The following MAML1 variants were observed in gnomAD, a reference collection of about 807,000 sequenced individuals.
MAML1 encodes the protein mastermind-like protein 1.
Under a neutral mutation model 77.1 loss-of-function variants are expected in MAML1, and 14 were observed. The ratio of observed to expected loss-of-function variants is 0.18; its 90% CI spans 0.12 to 0.28. The LOEUF (loss-of-function observed/expected upper bound fraction) is 0.28, where lower values mean the gene tolerates loss of function less well. MAML1 is among the 10% of genes least tolerant of loss of function. The pLI, the probability that MAML1 is intolerant of heterozygous loss-of-function variation, is 1.00. For missense variants in MAML1, 1,217 were observed against 1,327.8 expected, an observed-to-expected ratio of 0.92 and a Z score of 1.30; for synonymous variants, 516 against 551.9, an observed-to-expected ratio of 0.93 and a Z score of 0.91.
chr5:179,758,593 T>C (rs1779669814), intron 1 of MAML1, among the ~76,000 whole-genome samples: 1 of 152,060 alleles, frequency 6.6e-6, no homozygotes, highest in African/African-American at 2.4e-5. Flanking sequence ...TCTCACTGTG[T>C]TGCCCAGGCT....
Position 179,776,140 on chromosome 5 carries a change from C to T in MAML1, c.*1263C>T. The T allele has an allele frequency of 2.0e-6, 2 of 985,868 alleles. No homozygotes were observed. Among genetic ancestry groups the T allele is most frequent in the East Asian group, 1.1e-4 (1 of 8,818 alleles). 61.1% of individuals were successfully genotyped at this position (985,868 alleles called of 1,614,324 possible). A position where few individuals can be genotyped will look rare whatever the true frequency, so the allele number is the denominator to read the frequency against. The stretch of plus-strand genomic sequence containing the variant: ...AAAACGAAGATGGAGAGAGCACTTC[C>T]CCGTAACGAAAGCAAAGTGGTAAGC... On this transcript the variant is annotated 3_prime_UTR_variant, in exon 5 of 5. Coordinates refer to ENST00000292599, the MANE Select transcript of MAML1 (RefSeq NM_014757.5).
At position 179,774,804 on chromosome 5, in the gene MAML1, T is replaced by G. The variant is rs1184113134; in HGVS notation, c.2978T>G (p.Ile993Ser). 6.2e-7 allele frequency: 1 copy of G among 1,613,890 alleles called. No homozygotes were observed. Among genetic ancestry groups the G allele is most frequent in the African/African-American group, 1.3e-5 (1 of 74,964 alleles). ...LSSVAGHTDL[I>S]DSLLKNRTSE... ...AGTGTGGCTGGACACACCGATCTGATCGACTCCCTGCTGAAGAACAGGACT... is the reference window on the plus strand; with the variant it reads ...AGTGTGGCTGGACACACCGATCTGAGCGACTCCCTGCTGAAGAACAGGACT... Residue 993 changes from isoleucine (I) to serine (S), a missense_variant, in exon 5 of 5, where the codon ATC becomes AGC. Physicochemically the swap from Ile to Ser is moderately radical, Grantham distance 142 (BLOSUM62 -2). Coordinates refer to ENST00000292599, the MANE Select transcript of MAML1 (RefSeq NM_014757.5).
chr5:179,775,480 T>C lies in MAML1; in HGVS notation c.*603T>C. On this transcript the variant is annotated 3_prime_UTR_variant, in exon 5 of 5. Transcript: ENST00000292599. Reference sequence around the variant, plus strand: ...AGCTTTCAGGGGAGAAGGAGGCCACTGGAAAATTATTTCCCTAAGTGCAGG... The same window carrying C: ...AGCTTTCAGGGGAGAAGGAGGCCACCGGAAAATTATTTCCCTAAGTGCAGG... The C allele has an allele frequency of 1.0e-6, 1 of 985,370 alleles. No individual in the cohort carries two copies. Among genetic ancestry groups the C allele is most frequent in the Non-Finnish European group, 1.2e-6 (1 of 829,926 alleles). The allele number at this position is 985,370 out of a possible 1,614,324, so 61.0% of individuals were successfully genotyped here.
rs1271762596 is a variant in MAML1, at chr5:179,774,044, C to T, written c.2218C>T (p.Arg740Trp). 3.7e-6 allele frequency: 6 copies of T among 1,614,158 alleles called. No homozygotes were observed. The highest frequency in any genetic ancestry group is 2.2e-5 in the East Asian group (1 of 44,878). ...SLPTNSGQQD[R>W]GVAQFPGSQN... ...CCCCACAAACTCAGGCCAACAGGAC[C>T]GGGGTGTGGCTCAGTTCCCTGGCTC... is the stretch of plus-strand genomic sequence containing the variant. The change falls in exon 5 of 5, where the codon CGG (arginine) becomes TGG (tryptophan). Residue 740 changes from arginine to tryptophan, a missense_variant. Physicochemically the swap from Arg to Trp is moderately radical, Grantham distance 101. Around this residue, in one of 3 missense-constraint regions of MAML1, gnomAD observed 884 missense variants for 949.3 expected, o/e 0.93. Coordinates refer to ENST00000292599, the MANE Select transcript of MAML1 (RefSeq NM_014757.5).
chr5:179,756,805 G>A (rs184443873), intron 1 of MAML1, among the ~76,000 whole-genome samples: 28 of 152,256 alleles, frequency 1.8e-4, no homozygotes, highest in Non-Finnish European at 3.4e-4. Flanking sequence ...TCTCACTGGA[G>A]AGAGATTTAG....
intron 1 of MAML1, among the ~76,000 whole-genome samples, chr5:179,757,687 A>G (rs1283643243): frequency 2.6e-5 from 4 of 152,204 alleles, no homozygotes; most frequent in African/African-American, 9.7e-5. Context: ...CCAGTTAGCA[A>G]TCGCCTGCAT....
chr5:179,752,843 G>A (rs892223150), intron 1 of MAML1, among the ~76,000 whole-genome samples: 1 of 151,824 alleles, frequency 6.6e-6, no homozygotes, highest in Non-Finnish European at 1.5e-5. Flanking sequence ...GTGCAATCTC[G>A]GCTCACCGCA....
At chr5:179,753,440 A>C (rs530085756) in intron 1 of MAML1, among the ~76,000 whole-genome samples, 2 of 152,090 alleles carry the variant, frequency 1.3e-5, no homozygotes, top group Non-Finnish European at 2.9e-5. Flanking sequence ...TCCCAGATCC[A>C]TTTGGACAAG....
Position 179,775,943 on chromosome 5 carries a change from C to T in MAML1, c.*1066C>T, listed in dbSNP as rs932451272. On this transcript the variant is annotated 3_prime_UTR_variant, in exon 5 of 5. Transcript: ENST00000292599. Reference sequence around the variant, plus strand: ...TGGGGAAGGAGGCCGTAGGCCGGCCCGGAGGAAGCAATTCCACTTGGTTTG... The same window carrying T: ...TGGGGAAGGAGGCCGTAGGCCGGCCTGGAGGAAGCAATTCCACTTGGTTTG... 8 of 985,582 alleles carry T rather than the reference C, an allele frequency of 8.1e-6. No individual in the cohort carries two copies. The highest frequency in any genetic ancestry group is 1.1e-4 in the East Asian group (1 of 8,834). 61.1% of individuals were successfully genotyped at this position (985,582 alleles called of 1,614,324 possible).
intron 1 of MAML1, among the ~76,000 whole-genome samples, chr5:179,760,788 G>A (rs978900284): frequency 6.6e-6 from 1 of 152,122 alleles, no homozygotes; most frequent in Non-Finnish European, 1.5e-5. Flanking sequence ...TAAAGAAAAA[G>A]GGAACTTTAA....
Position 179,771,311 on chromosome 5 carries a change from T to C in MAML1, c.2068+68T>C. The stretch of plus-strand genomic sequence containing the variant: ...TGCCTGGTGCTGGTTGAATCCCTGC[T>C]GTCTGCCCAGCTCTATGCCTTGACT... On this transcript the variant is annotated intron_variant, in intron 4 of 4. Coordinates refer to ENST00000292599, the MANE Select transcript of MAML1 (RefSeq NM_014757.5). This position sits in a 1 kb window ranked among gnomAD's most constrained non-coding sequence, Gnocchi z 4.7. 7.4e-7 allele frequency: 1 copy of C among 1,348,632 alleles called. No homozygotes were observed. The highest frequency in any genetic ancestry group is 1.1e-6 in the Non-Finnish European group (1 of 939,726). The allele number at this position is 1,348,632 out of a possible 1,614,324, so 83.5% of individuals were successfully genotyped here. A position where few individuals can be genotyped will look rare whatever the true frequency, so the allele number is the denominator to read the frequency against.
At chr5:179,753,654 ATTTTTTT>A (rs1209995171) in intron 1 of MAML1, among the ~76,000 whole-genome samples, 35 of 88,850 alleles carry the variant, frequency 3.9e-4, no homozygotes, top group South Asian at 1.0e-3. Flanking sequence ...TATTATTATT[ATTTTTTT>A]TTTTTTTTTT....
At chr5:179,765,210 A>G (rs2113373884) in intron 1 of MAML1, 116 bp from the exon 2 acceptor site, 2 of 831,086 alleles carry the variant, frequency 2.4e-6, no homozygotes, top group South Asian at 1.7e-5. Context: ...GGGAGTGTAC[A>G]CTATGCAAGC....
Position 179,776,791 on chromosome 5 carries a change from C to T in MAML1, c.*1914C>T. ...CGACACAGTGGGGGCTCCTCACTTG[C>T]TGCAGTGTCATAGCAATAAAATGTG... On this transcript the variant is annotated 3_prime_UTR_variant, in exon 5 of 5. Transcript: ENST00000292599. 1 of 985,960 alleles carries T rather than the reference C, an allele frequency of 1.0e-6. No homozygotes were observed. Among genetic ancestry groups the T allele is most frequent in the African/African-American group, 1.7e-5 (1 of 57,362 alleles). 61.1% of individuals were successfully genotyped at this position (985,960 alleles called of 1,614,324 possible). A position where few individuals can be genotyped will look rare whatever the true frequency, so the allele number is the denominator to read the frequency against.
At chr5:179,773,355 T>C (rs901795557) in intron 4 of MAML1, among the ~76,000 whole-genome samples, 78 of 152,382 alleles carry the variant, frequency 5.1e-4, no homozygotes, top group African/African-American at 1.8e-3. Flanking sequence ...CACACTTGCC[T>C]GGAATGCTCT....
chr5:179,745,443 C>T (rs1218344631), intron 1 of MAML1, among the ~76,000 whole-genome samples: 5 of 151,552 alleles, frequency 3.3e-5, no homozygotes, highest in African/African-American at 9.7e-5. Flanking sequence ...TGGCTGGGCG[C>T]GGTGGCTCAC....
At position 179,776,101 on chromosome 5, in the gene MAML1, T is replaced by A; in HGVS notation, c.*1224T>A. The A allele has an allele frequency of 1.0e-6, 1 of 985,792 alleles. No individual in the cohort carries two copies. The highest frequency in any genetic ancestry group is 1.2e-6 in the Non-Finnish European group (1 of 829,840). 61.1% of individuals were successfully genotyped at this position (985,792 alleles called of 1,614,324 possible). On this transcript the variant is annotated 3_prime_UTR_variant, in exon 5 of 5. Coordinates refer to ENST00000292599, the MANE Select transcript of MAML1 (RefSeq NM_014757.5). ...GGTCCACGAAATAGAATATGACATG[T>A]GAGCTGTTTTTGGAAAACGAAGATG...
At chr5:179,767,095 C>CT (rs10707656) in intron 2 of MAML1, among the ~76,000 whole-genome samples, 1,483 of 100,904 alleles carry the variant, frequency 0.015, 23 homozygotes, top group East Asian at 0.023. Context: ...AGAGGCTTGG[C>CT]TTTTTTTTTT....
intron 1 of MAML1, among the ~76,000 whole-genome samples, chr5:179,764,732 C>T (rs545475601): frequency 2.0e-5 from 3 of 151,990 alleles, no homozygotes; most frequent in East Asian, 3.9e-4. Context: ...GAGGCTGAGA[C>T]GGGTGAATCA....
Sources: gnomAD v4.1 joint callset for allele counts (sites outside exome capture counted in the v4.1 genomes callset) on GRCh38, gnomAD v4.1.1 for gene constraint, gnomAD v4.1.1 regional missense constraint, Gnocchi (gnomAD v3.1) non-coding constraint, MANE v1.5 for transcripts, NCBI Gene and HGNC (gene_info 2026-07-23, HGNC 2026-07-21) for gene names.